The following GLIPR1L2 variants were observed in gnomAD, a reference collection of about 807,000 sequenced individuals.
GLIPR1L2 encodes the protein GLIPR1 like 2, also known as GLIPR1-like protein 2.
GLIPR1L2 carries 21 observed loss-of-function variants against 28.4 expected under a neutral mutation model. The ratio of observed to expected loss-of-function variants is 0.74; its 90% confidence interval spans 0.52 to 1.06. GLIPR1L2 has a LOEUF of 1.06. GLIPR1L2 is among the 50% of genes least tolerant of loss of function. GLIPR1L2 has a pLI of 0.00. For missense variants in GLIPR1L2, 476 were observed against 416.9 expected, an observed-to-expected ratio of 1.14 and a Z score of -1.23; for synonymous variants, 145 against 139.3, an observed-to-expected ratio of 1.04 and a Z score of -0.29.
chr12:75,412,454 G>T (rs2045878043), intron 2 of GLIPR1L2, among the ~76,000 whole-genome samples: 1 of 151,846 alleles, frequency 6.6e-6, no homozygotes, highest in Non-Finnish European at 1.5e-5. Context: ...ATCTGACAAA[G>T]GGCTAATATC....
chr12:75,430,027 C>T (rs1180004547), intron 4 of GLIPR1L2, among the ~76,000 whole-genome samples: 1 of 150,954 alleles, frequency 6.6e-6, no homozygotes, highest in Non-Finnish European at 1.5e-5. Context: ...CCTCCGCCTC[C>T]AGGGTTCAAG....
In GLIPR1L2 at chr12:75,391,189, A is replaced by C. The variant is rs1477224485; in HGVS notation, c.73A>C (p.Lys25Gln). The C allele has an allele frequency of 6.2e-7, 1 of 1,614,182 alleles. No individual in the cohort carries two copies. Among genetic ancestry groups the C allele is most frequent in the Middle Eastern group, 1.7e-4 (1 of 6,058 alleles). ...ACCCCTGGCAGTAGGGGGCGTTTTG[A>C]AGCTGCGGCTCTGTGAGCTGTGGCT... ...SLPLAVGGVL[K>Q]LRLCELWLLL... Residue 25 changes from lysine (K) to glutamine (Q), a missense_variant, in exon 1 of 6, where the codon AAG becomes CAG. By Grantham distance (53) the Lys-to-Gln change is moderately conservative. Coordinates refer to ENST00000550916, the MANE Select transcript of GLIPR1L2 (RefSeq NM_001270396.2).
chr12:75,428,525 TA>T (rs1566080009), intron 4 of GLIPR1L2, among the ~76,000 whole-genome samples: 54 of 148,772 alleles, frequency 3.6e-4, no homozygotes, highest in African/African-American at 1.1e-3. Flanking sequence ...AAAATATATA[TA>T]TATTTTTTTT....
At chr12:75,414,994 C>G (rs2045910052) in intron 3 of GLIPR1L2, among the ~76,000 whole-genome samples, 1 of 151,966 alleles carries the variant, frequency 6.6e-6, no homozygotes, top group Non-Finnish European at 1.5e-5. Context: ...AATGACTGGT[C>G]TAGAAGACAG....
intron 1 of GLIPR1L2, among the ~76,000 whole-genome samples, chr12:75,403,781 C>T (rs1480984976): frequency 1.3e-5 from 2 of 152,068 alleles, no homozygotes; most frequent in African/African-American, 2.4e-5. Context: ...TCTACAGTTA[C>T]TAGAACTTTA....
intron 2 of GLIPR1L2, among the ~76,000 whole-genome samples, chr12:75,412,419 G>A (rs547865017): frequency 1.3e-4 from 20 of 152,088 alleles, no homozygotes; most frequent in African/African-American, 4.6e-4. Context: ...CCTACAAAAT[G>A]GGGGAAAATT....
At chr12:75,421,699 G>T (rs1044888147) in intron 3 of GLIPR1L2, among the ~76,000 whole-genome samples, 2 of 151,916 alleles carry the variant, frequency 1.3e-5, no homozygotes, top group African/African-American at 4.8e-5. Flanking sequence ...TCATTTAGCT[G>T]TAGGCAATTG....
chr12:75,394,417 T>C (rs2045661338), intron 1 of GLIPR1L2, among the ~76,000 whole-genome samples: 1 of 152,028 alleles, frequency 6.6e-6, no homozygotes, highest in African/African-American at 2.4e-5. Flanking sequence ...TTGTATATTG[T>C]GTAAGGTAAG....
chr12:75,402,098 T>G (rs1368747547), intron 1 of GLIPR1L2, among the ~76,000 whole-genome samples: 1 of 152,154 alleles, frequency 6.6e-6, no homozygotes, highest in East Asian at 1.9e-4. Flanking sequence ...CAGATGGAGA[T>G]GAGATTGCAA....
At chr12:75,412,421 G>A (rs1244158311) in intron 2 of GLIPR1L2, among the ~76,000 whole-genome samples, 1 of 151,896 alleles carries the variant, frequency 6.6e-6, no homozygotes, top group Non-Finnish European at 1.5e-5. Flanking sequence ...TACAAAATGG[G>A]GGAAAATTTT....
In GLIPR1L2 at chr12:75,431,228, GAAA is replaced by G. The variant is rs5799226; in HGVS notation, c.*78_*80del. The G allele has an allele frequency of 2.4e-5, 11 of 458,462 alleles. No homozygotes were observed. The highest frequency in any genetic ancestry group is 2.3e-4 in the South Asian group (6 of 26,310). The allele number at this position is 458,462 out of a possible 1,614,324, so 28.4% of individuals were successfully genotyped here. A position where few individuals can be genotyped will look rare whatever the true frequency, so the allele number is the denominator to read the frequency against. Reference sequence around the variant, plus strand: ...CAAAAGTGTAATACAAAAAAAGACAGAAAAAAAAAAAAAGTAAAACACTGAGTT... The same window carrying G: ...CAAAAGTGTAATACAAAAAAAGACAGAAAAAAAAAAGTAAAACACTGAGTT... On this transcript the variant is annotated 3_prime_UTR_variant, in exon 6 of 6. Transcript: ENST00000550916.
intron 4 of GLIPR1L2, among the ~76,000 whole-genome samples, chr12:75,425,295 A>G (rs1035181421): frequency 1.3e-5 from 2 of 152,232 alleles, no homozygotes; most frequent in Middle Eastern, 3.4e-3. Context: ...CAAGAAGAAT[A>G]AGGAGAAGAG....
chr12:75,410,991 G>T (rs1201586301), intron 2 of GLIPR1L2, among the ~76,000 whole-genome samples: 1 of 151,800 alleles, frequency 6.6e-6, no homozygotes, highest in African/African-American at 2.4e-5. Context: ...CTTTATAAAT[G>T]ATTGACTATA....
In GLIPR1L2 at chr12:75,422,948, C is replaced by T. The variant is rs2045992721; in HGVS notation, c.629C>T (p.Thr210Ile). The T allele has an allele frequency of 4.3e-6, 7 of 1,612,182 alleles. No homozygotes were observed. The highest frequency in any genetic ancestry group is 2.2e-5 in the East Asian group (1 of 44,748). ...CCTTATGAACCAGGAATATTTTGTA[C>T]TCGATGTGGCAGACGTGACAAATGC... ...RRPYEPGIFC[T>I]RCGRRDKCTD... Residue 210 changes from threonine to isoleucine, a missense_variant, in exon 4 of 6, where the codon ACT (threonine) becomes ATT (isoleucine). By Grantham distance (89) the Thr-to-Ile change is moderately conservative. Coordinates refer to ENST00000550916, the MANE Select transcript of GLIPR1L2 (RefSeq NM_001270396.2).
chr12:75,408,119 A>AT (rs956528001), intron 1 of GLIPR1L2, among the ~76,000 whole-genome samples: 1 of 151,976 alleles, frequency 6.6e-6, no homozygotes, highest in African/African-American at 2.4e-5. Context: ...GCTAACAAAA[A>AT]TTTTTTGCCT....
intron 1 of GLIPR1L2, among the ~76,000 whole-genome samples, chr12:75,403,904 C>T (rs1430729004): frequency 6.6e-6 from 1 of 152,128 alleles, no homozygotes; most frequent in Non-Finnish European, 1.5e-5. Flanking sequence ...ATTTGATCTA[C>T]CCAGATAGGC....
intron 1 of GLIPR1L2, among the ~76,000 whole-genome samples, chr12:75,394,071 ACTAT>A (rs1242615972): frequency 1.3e-5 from 2 of 152,074 alleles, no homozygotes; most frequent in African/African-American, 4.8e-5. Context: ...TCTTTGAAGA[ACTAT>A]CTATTCAAGT....
intron 1 of GLIPR1L2, chr12:75,402,941 G>T (rs7135440): frequency 0.35 from 157,889 of 453,638 alleles, 29,058 homozygotes; most frequent in East Asian, 0.46. Flanking sequence ...TGATAGTCTT[G>T]CCACCTACCA....
rs1331533739 is a variant in GLIPR1L2 at position 75,431,807 on chromosome 12, AT to A, written c.*650del. On this transcript the variant is annotated 3_prime_UTR_variant, in exon 6 of 6. Coordinates refer to ENST00000550916, the MANE Select transcript of GLIPR1L2 (RefSeq NM_001270396.2). Reference sequence around the variant, plus strand: ...CCACCAAGGGCTAATAAATGCCATAATTTTAATTAGTTGTGGTAGAGGAATC... The same window carrying A: ...CCACCAAGGGCTAATAAATGCCATAATTTAATTAGTTGTGGTAGAGGAATC... 2 of 152,106 alleles carry A rather than the reference AT, an allele frequency of 1.3e-5. No individual in the cohort carries two copies. The highest frequency in any genetic ancestry group is 2.9e-5 in the Non-Finnish European group (2 of 67,960). 9.4% of individuals were successfully genotyped at this position (152,106 alleles called of 1,614,324 possible).
Sources: allele counts gnomAD v4.1 joint callset (sites outside exome capture counted in the v4.1 genomes callset), GRCh38; gene constraint gnomAD v4.1.1; transcripts MANE v1.5; gene names NCBI Gene and HGNC (gene_info 2026-07-23, HGNC 2026-07-21).